ZFYVE9: variants seen among roughly 807,000 people sequenced by gnomAD.
ZFYVE9 encodes the protein zinc finger FYVE-type containing 9.
Under a neutral mutation model 126.7 loss-of-function variants are expected in ZFYVE9, and 43 were observed. That is an observed-to-expected ratio of 0.34 (90% CI 0.27 to 0.44). The LOEUF (loss-of-function observed/expected upper bound fraction) is 0.44. Among genes scored for constraint, ZFYVE9 ranks in the 20% least tolerant of loss-of-function variants. The pLI is 1.00. For synonymous variants in ZFYVE9, 521 were observed against 597.4 expected (o/e 0.87, Z 1.87); for missense variants, 1,476 against 1,697.0 (o/e 0.87, Z 2.29).
intron 10 of ZFYVE9, among the ~76,000 whole-genome samples, chr1:52,282,799 T>C (rs1645817078): frequency 6.6e-6 from 1 of 152,226 alleles, no homozygotes. Flanking sequence ...AACTGTGTTA[T>C]ACTTATTAGA....
At chr1:52,179,668 G>A (rs1644677754) in intron 1 of ZFYVE9, among the ~76,000 whole-genome samples, 1 of 151,698 alleles carries the variant, frequency 6.6e-6, no homozygotes, top group Admixed American at 6.6e-5. Context: ...TGACACAGTG[G>A]AATAAAGTCC....
chr1:52,203,021 A>G (rs549613465), intron 1 of ZFYVE9, among the ~76,000 whole-genome samples: 1 of 152,138 alleles, frequency 6.6e-6, no homozygotes, highest in South Asian at 2.1e-4. Context: ...TTCACTTTTG[A>G]AGGACAATTT....
At chr1:52,283,091 G>A (rs143055960) in intron 10 of ZFYVE9, among the ~76,000 whole-genome samples, 330 of 152,244 alleles carry the variant, frequency 2.2e-3, no homozygotes, top group Non-Finnish European at 3.6e-3. Context: ...GTTCCAAAAT[G>A]TATAGGGTTA....
chr1:52,229,662 C>T (rs530040033), intron 2 of ZFYVE9, among the ~76,000 whole-genome samples: 2 of 152,114 alleles, frequency 1.3e-5, no homozygotes, highest in African/African-American at 2.4e-5. Context: ...ATGTGAATCA[C>T]CAGGAATACA....
chr1:52,219,173 A>C (rs1645099788), intron 2 of ZFYVE9, among the ~76,000 whole-genome samples: 1 of 151,990 alleles, frequency 6.6e-6, no homozygotes, highest in African/African-American at 2.4e-5. Context: ...TGGGGGGCAG[A>C]GGTACTTTTC....
intron 7 of ZFYVE9, among the ~76,000 whole-genome samples, chr1:52,274,093 T>A (rs1322216773): frequency 6.6e-6 from 1 of 152,154 alleles, no homozygotes; most frequent in Non-Finnish European, 1.5e-5. Context: ...GTATTAAAGA[T>A]TAAGAAATTA....
chr1:52,212,301 T>G (rs1645035649), intron 1 of ZFYVE9, among the ~76,000 whole-genome samples: 1 of 152,140 alleles, frequency 6.6e-6, no homozygotes, highest in Non-Finnish European at 1.5e-5. Context: ...CATGCCACTA[T>G]GCCTGGCTAA....
Position 52,151,571 on chromosome 1 carries a change from A to G in ZFYVE9, c.-143+9168A>G, listed in dbSNP as rs556168364. On this transcript the variant is annotated intron_variant, in intron 1 of 18. Transcript: ENST00000287727. ...CGCTCTGTCATCCAGGCTGGAGTGC[A>G]GTGGTGTGGTCTCGGCTCACTGCAA... Among the ~76,000 whole-genome samples, 5 of 150,048 alleles carry G rather than the reference A, an allele frequency of 3.3e-5. No homozygotes were observed. In the Admixed American group the frequency reaches 3.3e-4, roughly 10 times the overall value.
intron 4 of ZFYVE9, among the ~76,000 whole-genome samples, chr1:52,242,313 T>C (rs2124635587): frequency 6.6e-6 from 1 of 152,330 alleles, no homozygotes; most frequent in East Asian, 1.9e-4. Flanking sequence ...ATTACAGACA[T>C]GAGCCACTGC....
At chr1:52,290,935 C>G (rs947373689) in intron 10 of ZFYVE9, among the ~76,000 whole-genome samples, 1 of 152,136 alleles carries the variant, frequency 6.6e-6, no homozygotes, top group Non-Finnish European at 1.5e-5. Flanking sequence ...GACATTGAGG[C>G]TCAGAGAAGT....
Position 52,233,511 on chromosome 1 carries a change from G to A in ZFYVE9, c.70+235G>A, listed in dbSNP as rs192712717. Among the ~76,000 whole-genome samples the A allele has an allele frequency of 7.9e-5, 12 of 152,282 alleles. No homozygotes were observed. The East Asian group carries it at 1.9e-3, about 24-fold the overall frequency. On this transcript the variant is annotated intron_variant, in intron 3 of 18. Transcript: ENST00000287727. ...GAGAATAGAGGCACAGAGAGGTTAAGCACTTTTCTCAGAGTTATCTTGTGA... is the reference window on the plus strand; with the variant it reads ...GAGAATAGAGGCACAGAGAGGTTAAACACTTTTCTCAGAGTTATCTTGTGA...
chr1:52,153,012 C>T (rs1056397006), intron 1 of ZFYVE9, among the ~76,000 whole-genome samples: 1 of 152,140 alleles, frequency 6.6e-6, no homozygotes, highest in Non-Finnish European at 1.5e-5. Flanking sequence ...CACATATTGC[C>T]TGTTAGAGGA....
At chr1:52,224,260 C>T (rs79285134) in intron 2 of ZFYVE9, among the ~76,000 whole-genome samples, 6,516 of 151,900 alleles carry the variant, frequency 0.043, 474 homozygotes, top group African/African-American at 0.15. Context: ...TGGCATGGCC[C>T]ATGGGGCAGG....
intron 1 of ZFYVE9, chr1:52,180,404 A>G: frequency 6.7e-7 from 1 of 1,503,674 alleles, no homozygotes; most frequent in South Asian, 1.1e-5. Flanking sequence ...TTAACCTGAC[A>G]AGAGATGAGT....
At chr1:52,283,279 T>G (rs113368411) in intron 10 of ZFYVE9, among the ~76,000 whole-genome samples, 1 of 152,204 alleles carries the variant, frequency 6.6e-6, no homozygotes, top group African/African-American at 2.4e-5. Context: ...TTTGAGAGTG[T>G]GTTAGAGACT....
rs573131550 is a variant in ZFYVE9, at chr1:52,182,376, T to C, written c.-142-33993T>C. Among the ~76,000 whole-genome samples the C allele has an allele frequency of 8.5e-5, 13 of 152,078 alleles. No homozygotes were observed. In the East Asian group the frequency reaches 2.5e-3, roughly 29 times the overall value. On this transcript the variant is annotated intron_variant, in intron 1 of 18. Coordinates refer to ENST00000287727, the MANE Select transcript of ZFYVE9 (RefSeq NM_004799.4). ...GTGTCTGTGTAGAAAGAAGTAGACA[T>C]GGGAGACTTTTCATTTTGTTCTGTA...
chr1:52,264,116 CT>C, intron 5 of ZFYVE9: 1 of 257,876 alleles, frequency 3.9e-6, no homozygotes, highest in East Asian at 7.0e-5. Context: ...AATGGAAGTT[CT>C]TTGGAAATCT....
chr1:52,303,993 T>A, intron 13 of ZFYVE9, 68 bp downstream of exon 13: 1 of 1,026,582 alleles, frequency 9.7e-7, no homozygotes, highest in South Asian at 2.0e-5. Flanking sequence ...AATGCATGAT[T>A]ATATATAAAT....
At chr1:52,305,413 G>C (rs181130560) in intron 13 of ZFYVE9, among the ~76,000 whole-genome samples, 218 of 152,312 alleles carry the variant, frequency 1.4e-3, no homozygotes, top group African/African-American at 5.1e-3. Flanking sequence ...TGGGCGACAA[G>C]AGCAAAACTC....
Sources: gnomAD v4.1 joint callset for allele counts (sites outside exome capture counted in the v4.1 genomes callset) on GRCh38, gnomAD v4.1.1 for gene constraint, MANE v1.5 for transcripts, NCBI Gene and HGNC (gene_info 2026-07-23, HGNC 2026-07-21) for gene names.